Variants in PEX5L observed in about 807,000 individuals in gnomAD.
PEX5L encodes the protein peroxisomal biogenesis factor 5 like.
A neutral mutation model predicts 84.0 loss-of-function variants in PEX5L; 30 were observed. The ratio of observed to expected loss-of-function variants is 0.36; its 90% CI spans 0.27 to 0.48. PEX5L has a LOEUF of 0.48. Among genes scored for constraint, PEX5L ranks in the 20% least tolerant of loss-of-function variants. The pLI is 0.99. For synonymous variants in PEX5L, 270 were observed against 283.1 expected (o/e 0.95, Z 0.46); for missense variants, 533 against 754.6 (o/e 0.71, Z 3.44).
rs1464737581 is a variant in PEX5L, at chr3:179,799,465, C to A, written c.*2363G>T. The A allele has an allele frequency of 6.6e-6, 1 of 152,148 alleles. No homozygotes were observed. Among genetic ancestry groups the A allele is most frequent in the Non-Finnish European group, 1.5e-5 (1 of 68,022 alleles). 9.4% of individuals were successfully genotyped at this position (152,148 alleles called of 1,614,324 possible). A position where few individuals can be genotyped will look rare whatever the true frequency, so the allele number is the denominator to read the frequency against. ...CTCCTTGGAGTTTGTGTTCCAATAG[C>A]AAAATAAAACTTGGGCCACAAAATT... On this transcript the variant is annotated 3_prime_UTR_variant, in exon 15 of 15. Coordinates refer to ENST00000467460, the MANE Select transcript of PEX5L (RefSeq NM_016559.3).
intron 1 of PEX5L, among the ~76,000 whole-genome samples, chr3:179,993,467 T>G (rs979009906): frequency 6.6e-6 from 1 of 152,130 alleles, no homozygotes; most frequent in Non-Finnish European, 1.5e-5. Context: ...TATTTGCATA[T>G]AACCTATGCA....
At chr3:179,877,223 T>G (rs938332584) in intron 5 of PEX5L, among the ~76,000 whole-genome samples, 5 of 152,224 alleles carry the variant, frequency 3.3e-5, no homozygotes, top group Non-Finnish European at 7.3e-5. Flanking sequence ...GCATGTAAGT[T>G]ATTCCTTTCC....
Position 179,801,198 on chromosome 3 carries a change from A to G in PEX5L, c.*630T>C, listed in dbSNP as rs1247935103. ...AGGCATAAATAAGATATTAAAGTGCATATATACAATACCAGAAAAGTTTAG... is the reference window on the plus strand; with the variant it reads ...AGGCATAAATAAGATATTAAAGTGCGTATATACAATACCAGAAAAGTTTAG... On this transcript the variant is annotated 3_prime_UTR_variant, in exon 15 of 15. Transcript: ENST00000467460. 1 of 153,424 alleles carries G rather than the reference A, an allele frequency of 6.5e-6. No homozygotes were observed. Among genetic ancestry groups the G allele is most frequent in the Non-Finnish European group, 1.5e-5 (1 of 68,568 alleles). 9.5% of individuals were successfully genotyped at this position (153,424 alleles called of 1,614,324 possible).
chr3:179,920,763 A>C (rs1225401024), intron 2 of PEX5L, among the ~76,000 whole-genome samples: 2 of 152,216 alleles, frequency 1.3e-5, no homozygotes, highest in Non-Finnish European at 2.9e-5. Flanking sequence ...TCAATATGGA[A>C]TCCCCATCAT....
At chr3:179,938,087 C>A (rs181069799) in intron 2 of PEX5L, among the ~76,000 whole-genome samples, 87 of 152,166 alleles carry the variant, frequency 5.7e-4, no homozygotes, top group African/African-American at 2.0e-3. Flanking sequence ...AACCAGAAGG[C>A]ATACTAAATA....
At position 179,903,516 on chromosome 3, in the gene PEX5L, C is replaced by G. The variant is rs537142548; in HGVS notation, c.94-5270G>C. 2.0e-4 allele frequency among the ~76,000 whole-genome samples: 31 copies of G among 152,276 alleles called. No individual in the cohort carries two copies. The South Asian group carries it at 6.4e-3, about 32-fold the overall frequency. On this transcript the variant is annotated intron_variant, in intron 2 of 14. Transcript: ENST00000467460. ...GGGTTCTGGGATTACAGGTGTGAGT[C>G]ACCATACCTGGCACGGTCTTTAGTT... is the stretch of plus-strand genomic sequence containing the variant.
intron 8 of PEX5L, among the ~76,000 whole-genome samples, chr3:179,829,038 C>A (rs1731637048): frequency 6.6e-6 from 1 of 152,188 alleles, no homozygotes; most frequent in African/African-American, 2.4e-5. Context: ...TATTCATCTT[C>A]TCAGTACTAA....
At chr3:179,833,546 C>A (rs1041151260) in intron 8 of PEX5L, among the ~76,000 whole-genome samples, 1 of 152,188 alleles carries the variant, frequency 6.6e-6, no homozygotes, top group Non-Finnish European at 1.5e-5. Flanking sequence ...GAACAGAGCC[C>A]TTCTGTTTAT....
chr3:179,888,129 AG>A, intron 3 of PEX5L: 1 of 1,290,888 alleles, frequency 7.7e-7, no homozygotes, highest in Non-Finnish European at 1.0e-6. Flanking sequence ...CCTGGACAAA[AG>A]CTCCTACTGA....
chr3:179,878,933 G>C (rs1202817247), intron 5 of PEX5L, among the ~76,000 whole-genome samples: 7 of 152,136 alleles, frequency 4.6e-5, no homozygotes, highest in African/African-American at 1.7e-4. Flanking sequence ...AGTTTGTGCT[G>C]GGAATATGGT....
At chr3:179,849,633 G>C (rs1741006247) in intron 8 of PEX5L, among the ~76,000 whole-genome samples, 2 of 152,212 alleles carry the variant, frequency 1.3e-5, no homozygotes, top group African/African-American at 4.8e-5. Flanking sequence ...TCCCACTGGT[G>C]TTTAGAGACT....
chr3:179,857,497 T>C (rs955423446), intron 8 of PEX5L, among the ~76,000 whole-genome samples: 19 of 152,196 alleles, frequency 1.2e-4, no homozygotes, highest in African/African-American at 4.6e-4. Flanking sequence ...AAAATTTTTT[T>C]GGTTTGTGTG....
intron 1 of PEX5L, among the ~76,000 whole-genome samples, chr3:179,986,750 A>G (rs184554185): frequency 6.6e-5 from 10 of 152,314 alleles, no homozygotes; most frequent in African/African-American, 2.4e-4. Flanking sequence ...CACACAACCT[A>G]TAAATGGCAG....
intron 11 of PEX5L, among the ~76,000 whole-genome samples, chr3:179,811,036 G>C (rs1723576108): frequency 6.6e-6 from 1 of 151,978 alleles, no homozygotes; most frequent in African/African-American, 2.4e-5. Context: ...CCACACCCCA[G>C]GCACCGTTAC....
At chr3:180,036,458 GT>G (rs1791915871) in intron 1 of PEX5L, 120 bp downstream of exon 1, 1 of 946,012 alleles carries the variant, frequency 1.1e-6, no homozygotes, top group Non-Finnish European at 1.7e-6. Context: ...TCACGGTCAT[GT>G]TGCATCACTT....
chr3:180,017,488 T>C (rs1440134929), intron 1 of PEX5L, among the ~76,000 whole-genome samples: 1 of 152,138 alleles, frequency 6.6e-6, no homozygotes, highest in Non-Finnish European at 1.5e-5. Context: ...TTCTATTTGA[T>C]TGGGGACTAT....
At chr3:179,945,733 C>T (rs953898036) in intron 2 of PEX5L, among the ~76,000 whole-genome samples, 6 of 152,294 alleles carry the variant, frequency 3.9e-5, no homozygotes, top group African/African-American at 9.6e-5. Context: ...GTCCTCTTGG[C>T]GTGGAGCTTT....
chr3:179,808,407 A>G lies in PEX5L; in HGVS notation c.1383T>C (p.Tyr461=). Residue 461 remains tyrosine, a synonymous_variant, in exon 13 of 15, where the codon TAT becomes TAC. Coordinates refer to ENST00000467460, the MANE Select transcript of PEX5L (RefSeq NM_016559.3). ...SSVLEGVKEL[Y]LEAAHQNGDM... ...CTCCATTTTGGTGGGCAGCTTCCAGATATAATTCCTTCACCCCTTCCAGAA... is the reference window on the plus strand; with the variant it reads ...CTCCATTTTGGTGGGCAGCTTCCAGGTATAATTCCTTCACCCCTTCCAGAA... 6.4e-7 allele frequency: 1 copy of G among 1,567,502 alleles called. No homozygotes were observed. Among genetic ancestry groups the G allele is most frequent in the East Asian group, 2.3e-5 (1 of 42,982 alleles).
rs148495757 is a variant in PEX5L, at chr3:180,024,347, A to AATATATATATATATATAT, written c.21+12214_21+12231dup. Among the ~76,000 whole-genome samples, 117 of 107,636 alleles carry AATATATATATATATATAT rather than the reference A, an allele frequency of 1.1e-3. 1 individual carries two copies. Among genetic ancestry groups the AATATATATATATATATAT allele is most frequent in the Middle Eastern group, 4.8e-3 (1 of 210 alleles). The allele number at this position is 107,636 out of a possible 152,430, so 70.6% of individuals were successfully genotyped here. On this transcript the variant is annotated intron_variant, in intron 1 of 14. Coordinates refer to ENST00000467460, the MANE Select transcript of PEX5L (RefSeq NM_016559.3). ...ACACTGTGAAACCCCGTCCCTACTA[A>AATATATATATATATATAT]ATATATATATATATATATATATATA...
Sources: allele counts gnomAD v4.1 joint callset (sites outside exome capture counted in the v4.1 genomes callset), GRCh38; gene constraint gnomAD v4.1.1; transcripts MANE v1.5; gene names NCBI Gene and HGNC (gene_info 2026-07-23, HGNC 2026-07-21).